The following WARS2 variants were observed in gnomAD, a reference collection of about 807,000 sequenced individuals.
The protein encoded by WARS2 is tryptophan--tRNA ligase, mitochondrial.
A neutral mutation model predicts 36.5 loss-of-function variants in WARS2; 28 were observed. That is an observed-to-expected ratio of 0.77 (90% confidence interval 0.57 to 1.05). The LOEUF (loss-of-function observed/expected upper bound fraction) is 1.05. Among genes scored for constraint, WARS2 ranks in the 50% least tolerant of loss-of-function variants. The pLI, the probability that WARS2 is intolerant of heterozygous loss-of-function variation, is 0.00. For missense variants in WARS2, 435 were observed against 456.8 expected (o/e 0.95, Z 0.44); for synonymous variants, 174 against 178.4 (o/e 0.98, Z 0.20).
At chr1:119,052,153 A>T (rs1299558269) in intron 2 of WARS2, among the ~76,000 whole-genome samples, 1 of 152,152 alleles carries the variant, frequency 6.6e-6, no homozygotes, top group Non-Finnish European at 1.5e-5. Context: ...CAGGATAGAC[A>T]GCATGATTCT....
At chr1:119,137,536 C>G (rs900635331) in intron 1 of WARS2, among the ~76,000 whole-genome samples, 2 of 152,094 alleles carry the variant, frequency 1.3e-5, no homozygotes, top group African/African-American at 4.8e-5. Flanking sequence ...ATCTACTAAC[C>G]ATCAATATTT....
intron 1 of WARS2, among the ~76,000 whole-genome samples, chr1:119,094,055 A>G (rs76695140): frequency 0.029 from 4,415 of 152,342 alleles, 101 homozygotes; most frequent in Middle Eastern, 0.051. Flanking sequence ...ACAAACAGCC[A>G]TCAACTAAGG....
intron 2 of WARS2, among the ~76,000 whole-genome samples, chr1:119,052,445 G>T (rs1649444490): frequency 6.6e-6 from 1 of 152,154 alleles, no homozygotes; most frequent in Non-Finnish European, 1.5e-5. Flanking sequence ...CAGGAACTCT[G>T]GGGTTCTGAT....
intron 1 of WARS2, among the ~76,000 whole-genome samples, chr1:119,099,727 T>C (rs1385186306): frequency 6.6e-6 from 1 of 152,180 alleles, no homozygotes; most frequent in African/African-American, 2.4e-5. Context: ...CAATAAATAA[T>C]GCTGGGAAAA....
intron 1 of WARS2, among the ~76,000 whole-genome samples, chr1:119,129,730 A>AT (rs1419308729): frequency 6.6e-6 from 1 of 151,554 alleles, no homozygotes; most frequent in East Asian, 1.9e-4. Flanking sequence ...ATAAAAATAA[A>AT]AAAAAAATAA....
In WARS2 at chr1:119,074,385, A is replaced by G. The variant is rs1477121161; in HGVS notation, c.348+1965T>C. Reference sequence around the variant, plus strand: ...AAGTATTTGAAGAGCAGTTGTGTGGAAACAGAGTTGATTTATTGTTTTTTA... The same window carrying G: ...AAGTATTTGAAGAGCAGTTGTGTGGGAACAGAGTTGATTTATTGTTTTTTA... On this transcript the variant is annotated intron_variant, in intron 2 of 5. Transcript: ENST00000235521. Among the ~76,000 whole-genome samples the G allele has an allele frequency of 2.0e-5, 3 of 152,242 alleles. No individual in the cohort carries two copies. The East Asian group carries it at 5.8e-4, about 29-fold the overall frequency.
At chr1:119,095,958 AC>A (rs113532713) in intron 1 of WARS2, among the ~76,000 whole-genome samples, 61,060 of 151,884 alleles carry the variant, frequency 0.4, 13,077 homozygotes, top group African/African-American at 0.54. Flanking sequence ...CTAAATTTTT[AC>A]CATCACATTG....
intron 1 of WARS2, among the ~76,000 whole-genome samples, chr1:119,114,749 C>T (rs998766636): frequency 6.6e-6 from 1 of 152,126 alleles, no homozygotes; most frequent in Non-Finnish European, 1.5e-5. Flanking sequence ...ATAGCAATTC[C>T]CTACAATTTT....
chr1:119,101,213 C>T (rs1653836664), intron 1 of WARS2, among the ~76,000 whole-genome samples: 2 of 151,842 alleles, frequency 1.3e-5, no homozygotes, highest in Non-Finnish European at 2.9e-5. Flanking sequence ...CCCTAAGTAC[C>T]CTTACTTGAT....
At position 119,034,200 on chromosome 1, in the gene WARS2, G is replaced by C; in HGVS notation, c.529C>G (p.Pro177Ala). Residue 177 changes from proline to alanine, a missense_variant, in exon 5 of 6, where the codon CCT (proline) becomes GCT (alanine). Transcript: ENST00000235521. Reference protein sequence around the residue: ...DILLYKSTHVPVGEDQVQHME... With the variant: ...DILLYKSTHVAVGEDQVQHME... ...TGCTGGACTTGATCCTCCCCAACAG[G>C]AACGTGTGTGGACCTTTAATAAAAG... 1 of 1,613,720 alleles carries C rather than the reference G, an allele frequency of 6.2e-7. No individual in the cohort carries two copies. The highest frequency in any genetic ancestry group is 1.1e-5 in the South Asian group (1 of 91,018).
chr1:119,033,997 AAGCTGAGG>A (rs1647667165), intron 5 of WARS2, 90 bp downstream of exon 5: 4 of 1,000,706 alleles, frequency 4.0e-6, no homozygotes, highest in Non-Finnish European at 6.1e-6. Flanking sequence ...GTCTACAAGA[AAGCTGAGG>A]TTAGTCCCAA....
chr1:119,050,497 C>T lies in WARS2; in HGVS notation c.349-4835G>A, dbSNP rs1409921380. 2.6e-5 allele frequency among the ~76,000 whole-genome samples: 4 copies of T among 152,170 alleles called. No individual in the cohort carries two copies. In the South Asian group the frequency reaches 8.3e-4, roughly 32 times the overall value. On this transcript the variant is annotated intron_variant, in intron 2 of 5. Transcript: ENST00000235521. ...TTCTCTGATATATTCACTAATATAT[C>T]ATGCTATAGTACCTAGGGCATGGTA...
intron 1 of WARS2, among the ~76,000 whole-genome samples, chr1:119,079,940 A>G (rs748030214): frequency 6.6e-6 from 1 of 152,202 alleles, no homozygotes; most frequent in Non-Finnish European, 1.5e-5. Context: ...TCTAGAAACA[A>G]TATTTTTAAA....
At chr1:119,130,713 T>C (rs181807389) in intron 1 of WARS2, among the ~76,000 whole-genome samples, 1 of 152,336 alleles carries the variant, frequency 6.6e-6, no homozygotes, top group Non-Finnish European at 1.5e-5. Flanking sequence ...CACTGATTTT[T>C]TTTCACTGAA....
intron 1 of WARS2, among the ~76,000 whole-genome samples, chr1:119,104,224 G>GT (rs1654081098): frequency 6.6e-6 from 1 of 151,464 alleles, no homozygotes; most frequent in African/African-American, 2.4e-5. Flanking sequence ...ATATAGAGAT[G>GT]TAACAAATTC....
intron 3 of WARS2, among the ~76,000 whole-genome samples, chr1:119,044,625 G>C (rs1325124230): frequency 2.0e-5 from 3 of 152,178 alleles, no homozygotes; most frequent in African/African-American, 7.2e-5. Context: ...GGAAGTCCAA[G>C]ATTAAGGCAA....
rs1460196515 is a variant in WARS2 at position 119,032,514 on chromosome 1, T to C, written c.*397A>G. On this transcript the variant is annotated 3_prime_UTR_variant, in exon 6 of 6. Transcript: ENST00000235521. ...AAGGATTATACATCTAAGACCTCTA[T>C]ATATTGCTTTATAAAAGGGTTGAAG... 2.0e-5 allele frequency: 4 copies of C among 196,280 alleles called. No homozygotes were observed. Among genetic ancestry groups the C allele is most frequent in the Non-Finnish European group, 4.2e-5 (4 of 95,770 alleles). The allele number at this position is 196,280 out of a possible 1,614,324, so 12.2% of individuals were successfully genotyped here. A position where few individuals can be genotyped will look rare whatever the true frequency, so the allele number is the denominator to read the frequency against.
intron 1 of WARS2, among the ~76,000 whole-genome samples, chr1:119,079,485 C>T (rs931340759): frequency 2.0e-5 from 3 of 152,110 alleles, no homozygotes; most frequent in African/African-American, 7.2e-5. Context: ...GGGTTGCTGA[C>T]TGAGATCACA....
chr1:119,049,695 C>T (rs960759872), intron 2 of WARS2, among the ~76,000 whole-genome samples: 4 of 152,230 alleles, frequency 2.6e-5, no homozygotes, highest in Non-Finnish European at 4.4e-5. Flanking sequence ...GTAACTCCAA[C>T]TCTGCAGTTG....
Sources: allele counts gnomAD v4.1 joint callset (sites outside exome capture counted in the v4.1 genomes callset), GRCh38; gene constraint gnomAD v4.1.1; transcripts MANE v1.5; gene names NCBI Gene and HGNC (gene_info 2026-07-23, HGNC 2026-07-21).